The following ABCA13 variants were observed in gnomAD, a reference collection of about 807,000 sequenced individuals.
The protein encoded by ABCA13 is ATP binding cassette subfamily A member 13, also known as ATP-binding cassette sub-family A member 13.
Under a neutral mutation model 478.7 loss-of-function variants are expected in ABCA13, and 476 were observed. That is an observed-to-expected ratio of 0.99 (90% CI 0.92 to 1.07). ABCA13 has a LOEUF of 1.07. Among genes scored for constraint, ABCA13 ranks in the 50% least tolerant of loss-of-function variants. ABCA13 has a pLI of 0.00. For synonymous variants in ABCA13, 2,252 were observed against 2,158.9 expected, an observed-to-expected ratio of 1.04 and a Z score of -1.20; for missense variants, 6,060 against 5,910.6, an observed-to-expected ratio of 1.03 and a Z score of -0.83.
intron 55 of ABCA13, among the ~76,000 whole-genome samples, chr7:48,559,117 G>C (rs1375784084): frequency 1.3e-5 from 2 of 152,148 alleles, no homozygotes; most frequent in Admixed American, 6.5e-5. Context: ...TCCCTTCAGG[G>C]GGTGAGTTCC....
At chr7:48,209,440 G>T (rs1345094689) in intron 3 of ABCA13, among the ~76,000 whole-genome samples, 1 of 152,032 alleles carries the variant, frequency 6.6e-6, no homozygotes, top group Non-Finnish European at 1.5e-5. Flanking sequence ...AGTAGGATTA[G>T]TATTAATTCT....
chr7:48,566,695 C>T (rs549926287), intron 55 of ABCA13, among the ~76,000 whole-genome samples: 1 of 152,204 alleles, frequency 6.6e-6, no homozygotes, highest in South Asian at 2.1e-4. Flanking sequence ...TAAGAAGACA[C>T]CATGGAAAAT....
intron 7 of ABCA13, among the ~76,000 whole-genome samples, 189 bp downstream of exon 7, chr7:48,230,144 G>T (rs1296189987): frequency 2.6e-4 from 40 of 152,178 alleles, no homozygotes; most frequent in Admixed American, 2.6e-3. Flanking sequence ...AACTGAATTT[G>T]ACTTTCTACC....
chr7:48,311,140 C>G (rs1801714917), intron 24 of ABCA13, among the ~76,000 whole-genome samples: 1 of 152,030 alleles, frequency 6.6e-6, no homozygotes, highest in South Asian at 2.1e-4. Flanking sequence ...CTGTAGGCAC[C>G]CTGAGTTTGG....
chr7:48,372,488 G>C lies in ABCA13; in HGVS notation c.11124G>C (p.Gln3708His). Residue 3708 changes from glutamine (Q) to histidine (H), a missense_variant, in exon 33 of 62, where the codon CAG becomes CAC. Transcript: ENST00000435803. ...ATAACCAATTAAGTTTTGTTAATCA[G>C]ACATTTCTGGTAAGTAAGTTGTTTT... ...VLHNQLSFVN[Q>H]TFLCLLSTTA... 2 of 1,339,446 alleles carry C rather than the reference G, an allele frequency of 1.5e-6. No homozygotes were observed. Among genetic ancestry groups the C allele is most frequent in the Non-Finnish European group, 2.0e-6 (2 of 1,004,088 alleles). 83.0% of individuals were successfully genotyped at this position (1,339,446 alleles called of 1,614,324 possible). A position where few individuals can be genotyped will look rare whatever the true frequency, so the allele number is the denominator to read the frequency against.
At chr7:48,457,150 A>G (rs1446047919) in intron 43 of ABCA13, among the ~76,000 whole-genome samples, 2 of 152,150 alleles carry the variant, frequency 1.3e-5, no homozygotes, top group African/African-American at 4.8e-5. Context: ...AAAAGTTTTG[A>G]TAGTTCAGAC....
At chr7:48,464,158 C>T (rs1826609618) in intron 43 of ABCA13, among the ~76,000 whole-genome samples, 1 of 152,132 alleles carries the variant, frequency 6.6e-6, no homozygotes, top group African/African-American at 2.4e-5. Flanking sequence ...TCAAATGTTT[C>T]TAACATAGAG....
At chr7:48,230,587 T>G (rs1031770196) in intron 7 of ABCA13, among the ~76,000 whole-genome samples, 3 of 152,214 alleles carry the variant, frequency 2.0e-5, no homozygotes, top group African/African-American at 7.2e-5. Context: ...ATTTATCTGT[T>G]CATCTGTCCA....
At chr7:48,457,332 CCT>C (rs1825789275) in intron 43 of ABCA13, among the ~76,000 whole-genome samples, 1 of 143,892 alleles carries the variant, frequency 6.9e-6, no homozygotes, top group African/African-American at 2.7e-5. Flanking sequence ...ACTTCTTCAC[CCT>C]CCTCCCCTCT....
In ABCA13 at chr7:48,217,465, C is replaced by T. The variant is rs181736774; in HGVS notation, c.288-1889C>T. Among the ~76,000 whole-genome samples, 201 of 152,324 alleles carry T rather than the reference C, an allele frequency of 1.3e-3. 1 individual carries two copies. The Middle Eastern group carries it at 0.027, about 21-fold the overall frequency. ...TGTTAGTCTCACCACTGCCGCTTCT[C>T]TTCCTGCTTATTTACACAGTGCTGG... On this transcript the variant is annotated intron_variant, in intron 3 of 61. Coordinates refer to ENST00000435803, the MANE Select transcript of ABCA13 (RefSeq NM_152701.5).
At chr7:48,580,035 C>G (rs1267447755) in intron 55 of ABCA13, among the ~76,000 whole-genome samples, 189 bp from the exon 56 acceptor site, 1 of 152,142 alleles carries the variant, frequency 6.6e-6, no homozygotes, top group African/African-American at 2.4e-5. Context: ...ATCCATATGC[C>G]AAAGAGGCCT....
At chr7:48,476,218 C>T (rs537715754) in intron 45 of ABCA13, among the ~76,000 whole-genome samples, 35 of 152,224 alleles carry the variant, frequency 2.3e-4, no homozygotes, top group African/African-American at 7.5e-4. Context: ...CCTTCCTTGG[C>T]CTCTGGTGAC....
chr7:48,217,713 C>T (rs543486515), intron 3 of ABCA13, among the ~76,000 whole-genome samples: 3 of 152,162 alleles, frequency 2.0e-5, no homozygotes, highest in Non-Finnish European at 4.4e-5. Flanking sequence ...CACAGAATTG[C>T]AAGGATGTCT....
At chr7:48,191,651 G>A (rs549004578) in intron 1 of ABCA13, among the ~76,000 whole-genome samples, 5 of 152,116 alleles carry the variant, frequency 3.3e-5, no homozygotes, top group African/African-American at 7.2e-5. Context: ...CAAGTGATCC[G>A]TCTGCCTCGG....
intron 39 of ABCA13, among the ~76,000 whole-genome samples, chr7:48,408,101 T>C (rs1182407010): frequency 6.6e-6 from 1 of 152,194 alleles, no homozygotes; most frequent in Non-Finnish European, 1.5e-5. Flanking sequence ...TAAGATCTAA[T>C]CTCAGCAATT....
intron 56 of ABCA13, among the ~76,000 whole-genome samples, chr7:48,582,925 A>G (rs1321301785): frequency 1.3e-5 from 2 of 152,232 alleles, no homozygotes; most frequent in African/African-American, 4.8e-5. Context: ...ATATTAAGTT[A>G]TATCACTTGG....
intron 57 of ABCA13, among the ~76,000 whole-genome samples, chr7:48,590,632 T>A (rs376962208): frequency 1.3e-5 from 2 of 152,144 alleles, no homozygotes; most frequent in South Asian, 4.1e-4. Flanking sequence ...TTTCTCCGAA[T>A]CCTTGCCATT....
intron 48 of ABCA13, among the ~76,000 whole-genome samples, chr7:48,498,064 C>T (rs1318902875): frequency 1.3e-5 from 2 of 152,108 alleles, no homozygotes; most frequent in Non-Finnish European, 2.9e-5. Context: ...TCTCACTCTG[C>T]TTTGTGAAGT....
intron 32 of ABCA13, 30 bp downstream of exon 32, chr7:48,367,938 C>A (rs771935689): frequency 6.6e-7 from 1 of 1,513,884 alleles, no homozygotes; most frequent in East Asian, 2.5e-5. Flanking sequence ...GCCTGGGAGA[C>A]AAAGATAGGG....
Sources: allele counts gnomAD v4.1 joint callset (sites outside exome capture counted in the v4.1 genomes callset), GRCh38; gene constraint gnomAD v4.1.1; transcripts MANE v1.5; gene names NCBI Gene and HGNC (gene_info 2026-07-23, HGNC 2026-07-21).